The following MARCHF3 variants were observed in gnomAD, a reference collection of about 807,000 sequenced individuals.
The protein encoded by MARCHF3 is E3 ubiquitin-protein ligase MARCHF3.
A neutral mutation model predicts 24.2 loss-of-function variants in MARCHF3; 13 were observed. The observed-to-expected ratio is 0.54, with a 90% CI of 0.35 to 0.85. The LOEUF is 0.85. Among genes scored for constraint, MARCHF3 ranks in the 40% least tolerant of loss-of-function variants. The pLI is 0.01. For missense variants in MARCHF3, 276 were observed against 325.0 expected (o/e 0.85, Z 1.16); for synonymous variants, 144 against 137.3 (o/e 1.05, Z -0.34).
intron 1 of MARCHF3, among the ~76,000 whole-genome samples, chr5:126,957,852 C>A (rs1190230398): frequency 1.3e-5 from 2 of 151,994 alleles, no homozygotes; most frequent in South Asian, 4.2e-4. Context: ...TGTATTTAAG[C>A]TGAACAATAA....
rs1177008780 is a variant in MARCHF3, at chr5:126,918,230, AAG to A, written c.-56-5_-56-4del. On this transcript the variant is annotated splice_region_variant and splice_polypyrimidine_tract_variant and intron_variant, in intron 1 of 4. Transcript: ENST00000308660. ...CCACATTCATACAGGATTTCCATCT[AAG>A]AGAGATCAGAAAACAGTTTACTTGG... The A allele has an allele frequency of 1.3e-6, 2 of 1,519,028 alleles. No homozygotes were observed. The highest frequency in any genetic ancestry group is 2.3e-5 in the East Asian group (1 of 42,848). The allele number at this position is 1,519,028 out of a possible 1,614,324, so 94.1% of individuals were successfully genotyped here. A position where few individuals can be genotyped will look rare whatever the true frequency, so the allele number is the denominator to read the frequency against.
intron 1 of MARCHF3, among the ~76,000 whole-genome samples, chr5:127,001,940 T>C (rs1752137280): frequency 1.3e-5 from 2 of 152,322 alleles, no homozygotes; most frequent in Admixed American, 1.3e-4. Context: ...TGAATTACTT[T>C]ATAGGAGACT....
chr5:126,952,492 C>A (rs1750290613), intron 1 of MARCHF3, among the ~76,000 whole-genome samples: 1 of 152,082 alleles, frequency 6.6e-6, no homozygotes. Context: ...TCTGGTGGTG[C>A]TTTTATCTCC....
intron 1 of MARCHF3, among the ~76,000 whole-genome samples, chr5:126,992,375 G>T (rs143486518): frequency 3.5e-4 from 54 of 152,326 alleles, no homozygotes; most frequent in African/African-American, 1.3e-3. Flanking sequence ...CAGGCTCAGG[G>T]CAAGATAATT....
At chr5:126,874,501 G>A (rs532509930) in intron 4 of MARCHF3, among the ~76,000 whole-genome samples, 91 of 151,726 alleles carry the variant, frequency 6.0e-4, no homozygotes, top group African/African-American at 2.1e-3. Context: ...CAGGAGAATC[G>A]CTTGAACCTG....
At chr5:126,961,612 A>G (rs190299246) in intron 1 of MARCHF3, among the ~76,000 whole-genome samples, 17 of 152,334 alleles carry the variant, frequency 1.1e-4, no homozygotes, top group Non-Finnish European at 2.2e-4. Context: ...GAACAAAATG[A>G]TTAAAATTCA....
intron 3 of MARCHF3, among the ~76,000 whole-genome samples, chr5:126,887,416 C>CT (rs1402558874): frequency 6.6e-6 from 1 of 152,180 alleles, no homozygotes; most frequent in East Asian, 1.9e-4. Flanking sequence ...TTGCAGATAT[C>CT]TTGAAATATC....
intron 1 of MARCHF3, among the ~76,000 whole-genome samples, chr5:126,999,693 C>G (rs1473758570): frequency 6.6e-6 from 1 of 152,182 alleles, no homozygotes; most frequent in African/African-American, 2.4e-5. Context: ...ATGGTCAACT[C>G]CTCTACCAAT....
chr5:126,923,099 C>A (rs1749176215), intron 1 of MARCHF3, among the ~76,000 whole-genome samples: 1 of 152,302 alleles, frequency 6.6e-6, no homozygotes, highest in East Asian at 1.9e-4. Flanking sequence ...CCATGGCACA[C>A]ATTTACCTAT....
intron 1 of MARCHF3, among the ~76,000 whole-genome samples, chr5:126,972,336 T>C (rs1301979556): frequency 6.6e-6 from 1 of 152,058 alleles, no homozygotes; most frequent in Non-Finnish European, 1.5e-5. Context: ...CTAAGTAAGT[T>C]TATGGAAGAG....
intron 3 of MARCHF3, among the ~76,000 whole-genome samples, chr5:126,902,335 A>G (rs1318275273): frequency 6.6e-6 from 1 of 152,126 alleles, no homozygotes; most frequent in Non-Finnish European, 1.5e-5. Flanking sequence ...TGAACATGTT[A>G]TATGAAGCAA....
intron 3 of MARCHF3, among the ~76,000 whole-genome samples, chr5:126,908,350 G>C (rs1459459869): frequency 1.3e-5 from 2 of 152,022 alleles, no homozygotes; most frequent in African/African-American, 2.4e-5. Context: ...TGTATTTCCT[G>C]AATCTGAATG....
intron 3 of MARCHF3, 189 bp downstream of exon 3, chr5:126,914,737 GTGTC>G (rs1754656600): frequency 1.5e-5 from 9 of 604,458 alleles, no homozygotes; most frequent in South Asian, 1.4e-4. Flanking sequence ...TCCCTTCTCT[GTGTC>G]TGTCTGTCTA....
intron 3 of MARCHF3, among the ~76,000 whole-genome samples, chr5:126,883,102 T>C (rs756140236): frequency 8.5e-5 from 13 of 152,226 alleles, no homozygotes; most frequent in Non-Finnish European, 1.6e-4. Context: ...TGGTGTGAGA[T>C]ACCAATTAAT....
chr5:126,975,934 T>C (rs1408955586), intron 1 of MARCHF3, among the ~76,000 whole-genome samples: 1 of 152,248 alleles, frequency 6.6e-6, no homozygotes, highest in Non-Finnish European at 1.5e-5. Flanking sequence ...CCAGTAGGCC[T>C]GTGCCAATGC....
intron 1 of MARCHF3, among the ~76,000 whole-genome samples, chr5:126,955,329 T>C (rs1439664159): frequency 6.6e-6 from 1 of 152,234 alleles, no homozygotes; most frequent in Non-Finnish European, 1.5e-5. Flanking sequence ...AGGGCTTCTG[T>C]TGCAAGTGCT....
intron 1 of MARCHF3, among the ~76,000 whole-genome samples, chr5:127,009,751 T>C (rs1561471560): frequency 2.0e-5 from 3 of 152,226 alleles, no homozygotes; most frequent in African/African-American, 7.2e-5. Context: ...TGAAACCTAT[T>C]GGTGACTTTT....
chr5:126,885,159 T>C (rs1753469309), intron 3 of MARCHF3, among the ~76,000 whole-genome samples: 2 of 152,264 alleles, frequency 1.3e-5, no homozygotes, highest in African/African-American at 4.8e-5. Context: ...GCTATTTCTT[T>C]AGTTGTCTGT....
At chr5:126,926,174 C>G (rs567096072) in intron 1 of MARCHF3, among the ~76,000 whole-genome samples, 3 of 152,148 alleles carry the variant, frequency 2.0e-5, no homozygotes, top group Non-Finnish European at 4.4e-5. Flanking sequence ...ATTCTTAACC[C>G]AAGCCTCCAG....
Sources: gnomAD v4.1 joint callset for allele counts (sites outside exome capture counted in the v4.1 genomes callset) on GRCh38, gnomAD v4.1.1 for gene constraint, MANE v1.5 for transcripts, NCBI Gene and HGNC (gene_info 2026-07-23, HGNC 2026-07-21) for gene names.